Variants in KCNQ5 observed in about 807,000 individuals in gnomAD.
The protein encoded by KCNQ5 is potassium voltage-gated channel subfamily Q member 5.
In KCNQ5, 30 loss-of-function variants were observed where a neutral mutation model predicts 98.2. The observed-to-expected ratio is 0.31, with a 90% CI of 0.23 to 0.41. KCNQ5 has a LOEUF of 0.41. Ranked by LOEUF, KCNQ5 falls within the 10% of genes least tolerant of loss-of-function variation. The pLI is 1.00. For synonymous variants in KCNQ5, 458 were observed against 449.4 expected (o/e 1.02, Z -0.24); for missense variants, 835 against 1,182.5 (o/e 0.71, Z 4.31).
chr6:72,656,063 T>G (rs1430891616), intron 1 of KCNQ5, among the ~76,000 whole-genome samples: 1 of 152,204 alleles, frequency 6.6e-6, no homozygotes. Flanking sequence ...AGTAACCTTA[T>G]TGGCACAGGT....
intron 1 of KCNQ5, among the ~76,000 whole-genome samples, chr6:72,736,595 G>A (rs1439182854): frequency 7.0e-6 from 1 of 143,548 alleles, no homozygotes. Context: ...CGCCTCCCGG[G>A]TTCACGCCAT....
intron 2 of KCNQ5, among the ~76,000 whole-genome samples, chr6:73,006,765 A>G (rs184410206): frequency 2.6e-5 from 4 of 152,252 alleles, no homozygotes; most frequent in Non-Finnish European, 4.4e-5. Context: ...GTGTACATTT[A>G]GAACTATGTG....
chr6:72,882,217 T>G (rs1778658925), intron 1 of KCNQ5, among the ~76,000 whole-genome samples: 1 of 152,240 alleles, frequency 6.6e-6, no homozygotes, highest in Non-Finnish European at 1.5e-5. Flanking sequence ...AAATATGTGA[T>G]GCCACTTCAA....
chr6:72,786,838 C>G (rs916697951), intron 1 of KCNQ5, among the ~76,000 whole-genome samples: 5 of 151,498 alleles, frequency 3.3e-5, no homozygotes, highest in Non-Finnish European at 5.9e-5. Context: ...AACCCCATCT[C>G]TACTAAAAAT....
At chr6:72,749,958 C>CT (rs1485528931) in intron 1 of KCNQ5, among the ~76,000 whole-genome samples, 1 of 151,908 alleles carries the variant, frequency 6.6e-6, no homozygotes, top group Non-Finnish European at 1.5e-5. Flanking sequence ...AAGCAAAAAC[C>CT]TTTTTTAAAA....
chr6:72,839,706 G>A (rs187118134), intron 1 of KCNQ5, among the ~76,000 whole-genome samples: 4 of 151,812 alleles, frequency 2.6e-5, no homozygotes, highest in Admixed American at 2.6e-4. Flanking sequence ...ATTTTTATGG[G>A]GTACAACATG....
At position 73,092,654 on chromosome 6, in the gene KCNQ5, G is replaced by A. The variant is rs149343129; in HGVS notation, c.919-12603G>A. Among the ~76,000 whole-genome samples, 639 of 152,130 alleles carry A rather than the reference G, an allele frequency of 4.2e-3. 1 individual carries two copies. The highest frequency in any genetic ancestry group is 0.014 in the African/African-American group (582 of 41,514). On this transcript the variant is annotated intron_variant, in intron 5 of 13. Coordinates refer to ENST00000370398, the MANE Select transcript of KCNQ5 (RefSeq NM_019842.4). ...AGATTTTGTTGAATGCTTTTTCTGC[G>A]TCTATTGAGATGATCATGTGATTTT...
chr6:72,835,011 C>T (rs1190431796), intron 1 of KCNQ5, among the ~76,000 whole-genome samples: 2 of 152,008 alleles, frequency 1.3e-5, no homozygotes, highest in African/African-American at 2.4e-5. Context: ...TTTACTTAGT[C>T]GACCTCCATT....
chr6:72,803,250 A>G (rs1774761378), intron 1 of KCNQ5, among the ~76,000 whole-genome samples: 3 of 152,162 alleles, frequency 2.0e-5, no homozygotes, highest in Non-Finnish European at 4.4e-5. Flanking sequence ...CATTCTCACC[A>G]TTTTAATTTT....
intron 2 of KCNQ5, among the ~76,000 whole-genome samples, chr6:73,031,430 T>A (rs1028518474): frequency 3.3e-5 from 5 of 152,214 alleles, no homozygotes; most frequent in African/African-American, 1.2e-4. Flanking sequence ...TTTTTCCACC[T>A]CCAGCTAGCT....
intron 3 of KCNQ5, among the ~76,000 whole-genome samples, chr6:73,076,484 A>T (rs889974794): frequency 2.6e-5 from 4 of 152,188 alleles, no homozygotes; most frequent in African/African-American, 4.8e-5. Context: ...TTATGGAGTG[A>T]TTAAGTTTTC....
At chr6:72,624,858 G>A (rs939329269) in intron 1 of KCNQ5, among the ~76,000 whole-genome samples, 1 of 152,198 alleles carries the variant, frequency 6.6e-6, no homozygotes, top group African/African-American at 2.4e-5. Context: ...GCCATCTTTG[G>A]CAGTTGCTGC....
chr6:72,980,384 G>A (rs186270859), intron 1 of KCNQ5, among the ~76,000 whole-genome samples: 1 of 152,086 alleles, frequency 6.6e-6, no homozygotes. Context: ...CCTTGAAAAG[G>A]TCCTTCACAT....
chr6:73,036,855 C>T (rs750540757), intron 2 of KCNQ5, among the ~76,000 whole-genome samples: 1 of 152,120 alleles, frequency 6.6e-6, no homozygotes, highest in Non-Finnish European at 1.5e-5. Flanking sequence ...GTCTCTGACA[C>T]GAATGCCCAA....
At chr6:73,042,192 T>C in intron 3 of KCNQ5, 130 bp downstream of exon 3, 1 of 1,054,946 alleles carries the variant, frequency 9.5e-7, no homozygotes. Flanking sequence ...CGGGCACTCT[T>C]GTGTCTTGAA....
chr6:72,799,986 A>G (rs1774550418), intron 1 of KCNQ5, among the ~76,000 whole-genome samples: 1 of 152,166 alleles, frequency 6.6e-6, no homozygotes, highest in African/African-American at 2.4e-5. Context: ...CTATATTTTA[A>G]GGCCATTTAG....
intron 1 of KCNQ5, among the ~76,000 whole-genome samples, chr6:72,996,241 A>G (rs1171065645): frequency 6.6e-6 from 1 of 152,226 alleles, no homozygotes; most frequent in African/African-American, 2.4e-5. Context: ...CACTATTACT[A>G]TTTGTAATGT....
At chr6:72,650,688 G>A (rs149024252) in intron 1 of KCNQ5, among the ~76,000 whole-genome samples, 49 of 152,244 alleles carry the variant, frequency 3.2e-4, no homozygotes, top group African/African-American at 1.2e-3. Flanking sequence ...ACAGTGAAAT[G>A]TATTAGTATA....
intron 1 of KCNQ5, among the ~76,000 whole-genome samples, chr6:72,855,248 T>G (rs1161489100): frequency 6.6e-6 from 1 of 151,956 alleles, no homozygotes; most frequent in Non-Finnish European, 1.5e-5. Flanking sequence ...TATTTGAAAT[T>G]TAAACGTTTA....
Sources: gnomAD v4.1 joint callset for allele counts (sites outside exome capture counted in the v4.1 genomes callset) on GRCh38, gnomAD v4.1.1 for gene constraint, MANE v1.5 for transcripts, NCBI Gene and HGNC (gene_info 2026-07-23, HGNC 2026-07-21) for gene names.